The following GCM1 variants were observed in gnomAD, a reference collection of about 807,000 sequenced individuals.
The protein encoded by GCM1 is GCM transcription factor 1.
In GCM1, 2 loss-of-function variants were observed where a neutral mutation model predicts 25.7. The observed-to-expected ratio is 0.08, with a 90% confidence interval of 0.03 to 0.24. The LOEUF is 0.24. GCM1 is among the 10% of genes least tolerant of loss of function. The pLI is 1.00. For synonymous variants in GCM1, 183 were observed against 195.7 expected (o/e 0.94, Z 0.54); for missense variants, 395 against 538.7 (o/e 0.73, Z 2.64).
intron 2 of GCM1, among the ~76,000 whole-genome samples, chr6:53,136,772 C>T (rs569363288): frequency 3.9e-5 from 6 of 152,002 alleles, no homozygotes; most frequent in Admixed American, 6.6e-5. Context: ...GTCAGGAGTT[C>T]GAGACCAGCC....
At chr6:53,128,991 C>T in intron 5 of GCM1, 45 bp from the exon 6 acceptor site, 3 of 1,532,886 alleles carry the variant, frequency 2.0e-6, no homozygotes, top group Non-Finnish European at 2.7e-6. Flanking sequence ...TTAAGCAAAT[C>T]AAAACCACTG....
intron 4 of GCM1, among the ~76,000 whole-genome samples, chr6:53,131,135 C>T (rs929613482): frequency 2.0e-5 from 3 of 152,168 alleles, no homozygotes; most frequent in Admixed American, 6.5e-5. Context: ...CCCAGCAAAG[C>T]CATAATCACA....
chr6:53,127,696 T>C lies in GCM1; in HGVS notation c.*510A>G, dbSNP rs1008857530. On this transcript the variant is annotated 3_prime_UTR_variant, in exon 6 of 6. Transcript: ENST00000259803. Reference sequence around the variant, plus strand: ...CTTACTGAGGGTGGAAATACTAGAGTGGAGGAGAAGAAGCCAAAAAAATTA... The same window carrying C: ...CTTACTGAGGGTGGAAATACTAGAGCGGAGGAGAAGAAGCCAAAAAAATTA... The C allele has an allele frequency of 4.0e-5, 6 of 151,390 alleles. No homozygotes were observed. The highest frequency in any genetic ancestry group is 1.5e-4 in the African/African-American group (6 of 41,038). 9.4% of individuals were successfully genotyped at this position (151,390 alleles called of 1,614,324 possible). A position where few individuals can be genotyped will look rare whatever the true frequency, so the allele number is the denominator to read the frequency against.
chr6:53,127,872 T>G lies in GCM1; in HGVS notation c.*334A>C. On this transcript the variant is annotated 3_prime_UTR_variant, in exon 6 of 6. Transcript: ENST00000259803. ...GGCAAAACCCTGTCTCTACTAAAAA[T>G]AGAAAAATTAGCCAGGCGCAGTGGC... 5.5e-6 allele frequency: 1 copy of G among 180,350 alleles called. No individual in the cohort carries two copies. The highest frequency in any genetic ancestry group is 1.1e-5 in the Non-Finnish European group (1 of 87,928). 11.2% of individuals were successfully genotyped at this position (180,350 alleles called of 1,614,324 possible). A position where few individuals can be genotyped will look rare whatever the true frequency, so the allele number is the denominator to read the frequency against.
rs1446055293 is a variant in GCM1, at chr6:53,128,654, T to C, written c.863A>G (p.Tyr288Cys). The C allele has an allele frequency of 6.2e-7, 1 of 1,613,872 alleles. No homozygotes were observed. The change falls in exon 6 of 6, where the codon TAC becomes TGC. Residue 288 changes from tyrosine (Y) to cysteine (C), a missense_variant. Around this residue, in one of 5 missense-constraint regions of GCM1, gnomAD observed 291 missense variants for 314.6 expected, o/e 0.92. Coordinates refer to ENST00000259803, the MANE Select transcript of GCM1 (RefSeq NM_003643.4). ...DLLPPSASGV[Y>C]SDHGDLQAWS... ...CGCTTGTAGATCGCCATGATCAGAG[T>C]AGACTCCGGAGGCAGAAGGAGGAAG...
intron 2 of GCM1, among the ~76,000 whole-genome samples, chr6:53,138,278 CAAAAAAAA>C (rs566559211): frequency 1.1e-5 from 1 of 89,234 alleles, no homozygotes; most frequent in Non-Finnish European, 2.1e-5. Context: ...TGCTTTGTCT[CAAAAAAAA>C]AAAAAAAAAA....
chr6:53,146,439 CG>C (rs1173522405), intron 1 of GCM1, among the ~76,000 whole-genome samples: 5 of 151,600 alleles, frequency 3.3e-5, no homozygotes, highest in Non-Finnish European at 7.4e-5. Context: ...AGCCTGGTCT[CG>C]AACTCCTGAC....
chr6:53,131,311 G>A (rs961132330), intron 4 of GCM1, among the ~76,000 whole-genome samples: 3 of 152,148 alleles, frequency 2.0e-5, no homozygotes, highest in Non-Finnish European at 4.4e-5. Flanking sequence ...GAGTGATTAC[G>A]CCAGCTGGGT....
intron 2 of GCM1, among the ~76,000 whole-genome samples, chr6:53,137,983 A>G (rs774750823): frequency 1.3e-5 from 2 of 151,222 alleles, no homozygotes; most frequent in Non-Finnish European, 3.0e-5. Flanking sequence ...TTCCAGTTCT[A>G]TTAATAATGC....
intron 3 of GCM1, among the ~76,000 whole-genome samples, chr6:53,133,703 C>T (rs548335443): frequency 5.3e-5 from 8 of 151,884 alleles, no homozygotes; most frequent in Non-Finnish European, 1.0e-4. Context: ...TATGTTGCCC[C>T]GGCTGGTCTG....
chr6:53,139,855 C>T (rs377333993), intron 2 of GCM1, among the ~76,000 whole-genome samples: 16 of 151,962 alleles, frequency 1.1e-4, no homozygotes, highest in East Asian at 9.7e-4. Context: ...AGTGAGACTC[C>T]GTCTAAAAAA....
chr6:53,138,790 C>T (rs1003788436), intron 2 of GCM1, among the ~76,000 whole-genome samples: 3 of 152,150 alleles, frequency 2.0e-5, no homozygotes, highest in Non-Finnish European at 4.4e-5. Flanking sequence ...ACTGATATTT[C>T]TATGACTTCT....
Position 53,147,898 on chromosome 6 carries a change from A to G in GCM1, c.-137+856T>C, listed in dbSNP as rs376853750. On this transcript the variant is annotated intron_variant, in intron 1 of 5. Coordinates refer to ENST00000259803, the MANE Select transcript of GCM1 (RefSeq NM_003643.4). ...TCCAGAGAAATTTCTCTAGTAACAA[A>G]CTATAGAAATGATCCCTGAAAGTAT... Among the ~76,000 whole-genome samples, 10 of 152,262 alleles carry G rather than the reference A, an allele frequency of 6.6e-5. No individual in the cohort carries two copies. The South Asian group carries it at 1.0e-3, about 16-fold the overall frequency.
intron 1 of GCM1, among the ~76,000 whole-genome samples, chr6:53,146,134 G>T (rs769267507): frequency 1.3e-5 from 2 of 150,904 alleles, no homozygotes; most frequent in Non-Finnish European, 2.9e-5. Context: ...GCTAATGTGT[G>T]GTTGAAGCTG....
intron 2 of GCM1, among the ~76,000 whole-genome samples, chr6:53,136,980 A>T (rs76553818): frequency 0.035 from 4,953 of 140,212 alleles, 92 homozygotes; most frequent in Middle Eastern, 0.11. Context: ...CTGTTTCAAT[A>T]AAAAAAAAAA....
chr6:53,138,587 G>A (rs890507679), intron 2 of GCM1, among the ~76,000 whole-genome samples: 1 of 152,120 alleles, frequency 6.6e-6, no homozygotes. Context: ...CATGTTTAGC[G>A]AATCCCCACA....
intron 2 of GCM1, among the ~76,000 whole-genome samples, chr6:53,144,421 TA>T (rs766498725): frequency 0.041 from 4,952 of 120,974 alleles, 211 homozygotes; most frequent in African/African-American, 0.12. Flanking sequence ...CAAACCCATC[TA>T]AAAAAAAAAA....
At chr6:53,146,953 G>A (rs1014087506) in intron 1 of GCM1, among the ~76,000 whole-genome samples, 1 of 152,150 alleles carries the variant, frequency 6.6e-6, no homozygotes, top group Non-Finnish European at 1.5e-5. Context: ...AGGATTACCC[G>A]AGCCCAGGAG....
intron 2 of GCM1, among the ~76,000 whole-genome samples, chr6:53,145,121 C>A (rs1329035116): frequency 2.6e-5 from 4 of 152,148 alleles, no homozygotes; most frequent in Non-Finnish European, 4.4e-5. Flanking sequence ...CACAAGAGAA[C>A]AATATCATCT....
Sources: allele counts gnomAD v4.1 joint callset (sites outside exome capture counted in the v4.1 genomes callset), GRCh38; gene constraint gnomAD v4.1.1; regional missense constraint gnomAD v4.1.1; transcripts MANE v1.5; gene names NCBI Gene and HGNC (gene_info 2026-07-23, HGNC 2026-07-21).